The following IMMT variants were observed in gnomAD, a reference collection of about 807,000 sequenced individuals.
IMMT encodes the protein inner membrane mitochondrial protein.
IMMT carries 40 observed loss-of-function variants against 92.7 expected under a neutral mutation model. That is an observed-to-expected ratio of 0.43 (90% CI 0.34 to 0.56). IMMT has a LOEUF of 0.56. Among genes scored for constraint, IMMT ranks in the 20% least tolerant of loss-of-function variants. The pLI, the probability that IMMT is intolerant of heterozygous loss-of-function variation, is 0.03. For synonymous variants in IMMT, 322 were observed against 336.1 expected (o/e 0.96, Z 0.46); for missense variants, 831 against 912.1 (o/e 0.91, Z 1.14).
chr2:86,172,609 G>C (rs1259782286), intron 4 of IMMT, among the ~76,000 whole-genome samples: 1 of 152,210 alleles, frequency 6.6e-6, no homozygotes, highest in East Asian at 1.9e-4. Flanking sequence ...CGGGATTACA[G>C]GCATGAGCCC....
chr2:86,162,237 T>C (rs1676338503), intron 7 of IMMT, among the ~76,000 whole-genome samples, 158 bp from the exon 8 acceptor site: 1 of 152,040 alleles, frequency 6.6e-6, no homozygotes, highest in South Asian at 2.1e-4. Context: ...AAGGCTTATG[T>C]TCTTAATTTA....
At chr2:86,179,643 A>G (rs759509913) in intron 2 of IMMT, 21 bp from the exon 3 acceptor site, 9 of 1,559,424 alleles carry the variant, frequency 5.8e-6, no homozygotes, top group Non-Finnish European at 7.8e-6. Flanking sequence ...GAAACAGGAA[A>G]TACATTTATA....
At chr2:86,194,425 A>G (rs56092122) in intron 1 of IMMT, among the ~76,000 whole-genome samples, 1,843 of 152,350 alleles carry the variant, frequency 0.012, 45 homozygotes, top group African/African-American at 0.041. Flanking sequence ...GTTACCTAGC[A>G]GCAAATAGGA....
rs773363739 is a variant in IMMT, at chr2:86,181,336, G to T, written c.82C>A (p.Arg28=). ...GAAGTAGAGTATCTGCGGCATGGTCGCAATGGACGGAGGACAAACTTCCCA... is the reference window on the plus strand; with the variant it reads ...GAAGTAGAGTATCTGCGGCATGGTCTCAATGGACGGAGGACAAACTTCCCA... ...LCGKFVLRPL[R]PCRRYSTSGS... The change falls in exon 2 of 15, where the codon CGA becomes AGA. Residue 28 remains arginine, a synonymous_variant. Coordinates refer to ENST00000410111, the MANE Select transcript of IMMT (RefSeq NM_006839.3). The T allele has an allele frequency of 6.2e-7, 1 of 1,613,572 alleles. No individual in the cohort carries two copies. Among genetic ancestry groups the T allele is most frequent in the Non-Finnish European group, 8.5e-7 (1 of 1,179,658 alleles).
At chr2:86,156,064 T>C (rs1675834016) in intron 10 of IMMT, among the ~76,000 whole-genome samples, 5 of 152,206 alleles carry the variant, frequency 3.3e-5, no homozygotes, top group Admixed American at 3.3e-4. Flanking sequence ...GGCCCTTTCT[T>C]TAGCACAGGC....
chr2:86,177,480 T>C (rs1386031813), intron 3 of IMMT, among the ~76,000 whole-genome samples: 2 of 152,010 alleles, frequency 1.3e-5, no homozygotes, highest in Non-Finnish European at 2.9e-5. Context: ...GGTGCACGCC[T>C]GTAGTCCCAG....
chr2:86,147,963 G>A (rs1675153675), intron 12 of IMMT, 130 bp from the exon 13 acceptor site: 1 of 774,682 alleles, frequency 1.3e-6, no homozygotes, highest in East Asian at 2.6e-5. Context: ...TGCCAGGCAT[G>A]TGTACACTTC....
In IMMT at chr2:86,194,448, T is replaced by C. The variant is rs145650585; in HGVS notation, c.45+890A>G. On this transcript the variant is annotated intron_variant, in intron 1 of 14. Coordinates refer to ENST00000410111, the MANE Select transcript of IMMT (RefSeq NM_006839.3). ...GCAGCAAATAGGAAGAGAAGCGAAC[T>C]TGAAAAAACAAAGCTTGACTTTTAT... Among the ~76,000 whole-genome samples, 511 of 152,296 alleles carry C rather than the reference T, an allele frequency of 3.4e-3. 2 individuals carry two copies. Among genetic ancestry groups the C allele is most frequent in the Non-Finnish European group, 4.4e-3 (302 of 68,018 alleles).
At chr2:86,172,951 C>T (rs1677197666) in intron 4 of IMMT, among the ~76,000 whole-genome samples, 1 of 152,132 alleles carries the variant, frequency 6.6e-6, no homozygotes, top group African/African-American at 2.4e-5. Flanking sequence ...ATACGTTTTA[C>T]TTGTTTATTT....
chr2:86,171,785 T>C (rs889123884), intron 4 of IMMT, among the ~76,000 whole-genome samples: 1 of 151,808 alleles, frequency 6.6e-6, no homozygotes, highest in African/African-American at 2.4e-5. Context: ...AGGAAAAAGA[T>C]TACAGTTTTA....
Position 86,161,254 on chromosome 2 carries a change from G to A in IMMT, c.896+722C>T, listed in dbSNP as rs139314113. On this transcript the variant is annotated intron_variant, in intron 8 of 14. Transcript: ENST00000410111. Reference sequence around the variant, plus strand: ...TCAGTTCACTGCAACCTCCACCTCCGGGGTTCAAGTGATTCTCCTACCTCA... The same window carrying A: ...TCAGTTCACTGCAACCTCCACCTCCAGGGTTCAAGTGATTCTCCTACCTCA... Among the ~76,000 whole-genome samples the A allele has an allele frequency of 4.3e-3, 652 of 151,530 alleles. 5 individuals are homozygous for A. Among genetic ancestry groups the A allele is most frequent in the African/African-American group, 0.014 (594 of 41,320 alleles).
Position 86,173,719 on chromosome 2 carries a change from TTACTTCTGA to T in IMMT, c.343_351del (p.Ser115_Val117del). On this transcript the variant is annotated inframe_deletion, in exon 4 of 15. Transcript: ENST00000410111. Reference sequence around the variant, plus strand: ...GAGGCAGGCTGTTTAGATTCTTTCATTACTTCTGATACACTAGAGATTTTTAGTGGACCC... The same window carrying T: ...GAGGCAGGCTGTTTAGATTCTTTCATTACACTAGAGATTTTTAGTGGACCC... 1 of 1,608,270 alleles carries T rather than the reference TTACTTCTGA, an allele frequency of 6.2e-7. No individual in the cohort carries two copies. Among genetic ancestry groups the T allele is most frequent in the Non-Finnish European group, 8.5e-7 (1 of 1,175,056 alleles).
intron 13 of IMMT, 76 bp downstream of exon 13, chr2:86,147,626 G>C: frequency 2.1e-6 from 3 of 1,426,798 alleles, no homozygotes; most frequent in Non-Finnish European, 2.9e-6. Context: ...CATCCTCAGA[G>C]TACATTAAAA....
chr2:86,174,407 CTAACA>C (rs1677296889), intron 3 of IMMT, among the ~76,000 whole-genome samples: 1 of 152,164 alleles, frequency 6.6e-6, no homozygotes. Context: ...TCAGATATCC[CTAACA>C]TGACTACTTA....
intron 12 of IMMT, among the ~76,000 whole-genome samples, chr2:86,149,325 A>G (rs1185222447): frequency 6.6e-6 from 1 of 152,212 alleles, no homozygotes; most frequent in Non-Finnish European, 1.5e-5. Context: ...AGGTACAGAC[A>G]AAAAATACCA....
chr2:86,173,242 C>T (rs1677219926), intron 4 of IMMT, among the ~76,000 whole-genome samples: 1 of 152,172 alleles, frequency 6.6e-6, no homozygotes, highest in Admixed American at 6.5e-5. Context: ...TCTGCAGGGA[C>T]TAGAGCAAGA....
chr2:86,179,373 A>G (rs1677674992), intron 3 of IMMT, 60 bp downstream of exon 3: 1 of 1,373,662 alleles, frequency 7.3e-7, no homozygotes, highest in Non-Finnish European at 9.8e-7. Context: ...TTCAACATGA[A>G]AACAACTTGC....
chr2:86,148,965 C>T (rs898473534), intron 12 of IMMT, among the ~76,000 whole-genome samples: 6 of 152,208 alleles, frequency 3.9e-5, no homozygotes, highest in Non-Finnish European at 8.8e-5. Flanking sequence ...GAACTTCTTG[C>T]TCTCACAGTG....
chr2:86,167,500 T>C (rs1178205078), intron 6 of IMMT, among the ~76,000 whole-genome samples: 1 of 116,178 alleles, frequency 8.6e-6, no homozygotes, highest in Non-Finnish European at 1.9e-5. Flanking sequence ...TTTTTTTTTT[T>C]TGGAGACGGA....
Sources: gnomAD v4.1 joint callset for allele counts (sites outside exome capture counted in the v4.1 genomes callset) on GRCh38, gnomAD v4.1.1 for gene constraint, MANE v1.5 for transcripts, NCBI Gene and HGNC (gene_info 2026-07-23, HGNC 2026-07-21) for gene names.